The following PHACTR3 variants were observed in gnomAD, a reference collection of about 807,000 sequenced individuals.
The protein encoded by PHACTR3 is phosphatase and actin regulator 3, also known as protein phosphatase 1, regulatory subunit 123.
PHACTR3 carries 16 observed loss-of-function variants against 66.8 expected under a neutral mutation model. The observed-to-expected ratio is 0.24, with a 90% CI of 0.16 to 0.36. The LOEUF (loss-of-function observed/expected upper bound fraction) is 0.36. PHACTR3 is among the 10% of genes least tolerant of loss of function. The probability of loss-of-function intolerance (pLI) is 1.00; values close to 1 mark genes in which losing one functional copy is unlikely to be tolerated. For missense variants in PHACTR3, 647 were observed against 719.9 expected (o/e 0.90, Z 1.16); for synonymous variants, 323 against 292.1 (o/e 1.11, Z -1.08).
At chr20:59,841,245 A>T in intron 10 of PHACTR3, 150 bp from the exon 11 acceptor site, 1 of 704,360 alleles carries the variant, frequency 1.4e-6, no homozygotes, top group Non-Finnish European at 2.3e-6. Context: ...AGCCCTTCAC[A>T]TTAGAGATTG....
intron 8 of PHACTR3, among the ~76,000 whole-genome samples, chr20:59,831,505 C>T (rs2042377081): frequency 6.6e-6 from 1 of 152,168 alleles, no homozygotes; most frequent in African/African-American, 2.4e-5. Context: ...CTGTGGCTTC[C>T]CCAGCTCCAG....
At position 59,743,119 on chromosome 20, in the gene PHACTR3, A is replaced by T; in HGVS notation, c.131A>T (p.Gln44Leu). 1 of 1,613,352 alleles carries T rather than the reference A, an allele frequency of 6.2e-7. No individual in the cohort carries two copies. The highest frequency in any genetic ancestry group is 8.5e-7 in the Non-Finnish European group (1 of 1,179,696). The change falls in exon 2 of 13, where the codon CAA (glutamine) becomes CTA (leucine). Residue 44 changes from glutamine to leucine, a missense_variant. Physicochemically the swap from Gln to Leu is moderately radical, Grantham distance 113. Transcript: ENST00000371015. ...TTTCGTCTTCCAGATGAGATGGACCAAACGCCCCCGGCGCGTCCTGAATAT... is the reference window on the plus strand; with the variant it reads ...TTTCGTCTTCCAGATGAGATGGACCTAACGCCCCCGGCGCGTCCTGAATAT... ...DAGENPDEMD[Q>L]TPPARPEYLV...
intron 3 of PHACTR3, among the ~76,000 whole-genome samples, chr20:59,748,860 T>C (rs369171303): frequency 5.7e-4 from 87 of 152,268 alleles, no homozygotes; most frequent in African/African-American, 1.9e-3. Flanking sequence ...GGCCCAAATA[T>C]CAGGAATTAG....
At chr20:59,611,885 CG>C (rs796325105) in intron 1 of PHACTR3, among the ~76,000 whole-genome samples, 20 of 152,230 alleles carry the variant, frequency 1.3e-4, no homozygotes, top group African/African-American at 4.8e-4. Context: ...GTGTATTTTG[CG>C]GGGATTGTTT....
At chr20:59,740,772 G>A (rs987116064) in intron 1 of PHACTR3, among the ~76,000 whole-genome samples, 3 of 152,232 alleles carry the variant, frequency 2.0e-5, no homozygotes, top group East Asian at 1.9e-4. Context: ...GCCAGACCCC[G>A]TGGAAGCTCT....
chr20:59,725,438 G>A (rs966181592), intron 1 of PHACTR3, among the ~76,000 whole-genome samples: 1 of 151,556 alleles, frequency 6.6e-6, no homozygotes, highest in African/African-American at 2.4e-5. Flanking sequence ...CAGGTGGGCT[G>A]TGTGCCTTAT....
intron 1 of PHACTR3, among the ~76,000 whole-genome samples, chr20:59,621,369 G>A (rs6015534): frequency 0.4 from 60,455 of 152,142 alleles, 12,462 homozygotes; most frequent in East Asian, 0.65. Flanking sequence ...CCTATGAGTC[G>A]GACCCCACAC....
At chr20:59,637,379 A>G (rs1471799108) in intron 1 of PHACTR3, among the ~76,000 whole-genome samples, 1 of 152,176 alleles carries the variant, frequency 6.6e-6, no homozygotes, top group African/African-American at 2.4e-5. Flanking sequence ...CAGGTGGCCT[A>G]GTCTGTAAGT....
In PHACTR3 at chr20:59,656,669, C is replaced by CAAAT. The variant is rs2035629614; in HGVS notation, c.118+51537_118+51538insAAAT. 3.9e-5 allele frequency among the ~76,000 whole-genome samples: 6 copies of CAAAT among 151,944 alleles called. 1 individual carries two copies. The South Asian group carries it at 1.2e-3, about 31-fold the overall frequency. ...ATGGATATAGTTAGATTTGCATCTA[C>CAAAT]CATTTTATTTTTCATTTTCTATATC... is the stretch of plus-strand genomic sequence containing the variant. On this transcript the variant is annotated intron_variant, in intron 1 of 12. Coordinates refer to ENST00000371015, the MANE Select transcript of PHACTR3 (RefSeq NM_080672.5).
chr20:59,741,691 T>A (rs370156625), intron 1 of PHACTR3, among the ~76,000 whole-genome samples: 94 of 152,160 alleles, frequency 6.2e-4, no homozygotes, highest in African/African-American at 1.5e-3. Context: ...AAAAACAGCC[T>A]GTGAAGCACA....
At chr20:59,617,055 A>G (rs1055392733) in intron 1 of PHACTR3, among the ~76,000 whole-genome samples, 1 of 151,832 alleles carries the variant, frequency 6.6e-6, no homozygotes, top group Non-Finnish European at 1.5e-5. Flanking sequence ...TTCCTGTAAT[A>G]TTTTTCCAGC....
rs199509813 is a variant in PHACTR3 at position 59,773,419 on chromosome 20, C to A, written c.892C>A (p.His298Asn). Reference protein sequence around the residue: ...LPPSRVIEELHRALATKHRQD... With the variant: ...LPPSRVIEELNRALATKHRQD... ...CCCAAGCCGCGTCATTGAGGAGCTG[C>A]ACAGGGCGCTGGCCACGAAGCACCG... The change falls in exon 6 of 13, where the codon CAC (histidine) becomes AAC (asparagine). Residue 298 changes from histidine to asparagine, a missense_variant. By Grantham distance (68) the His-to-Asn change is moderately conservative. Coordinates refer to ENST00000371015, the MANE Select transcript of PHACTR3 (RefSeq NM_080672.5). 547 of 1,613,748 alleles carry A rather than the reference C, an allele frequency of 3.4e-4. 2 individuals are homozygous for A. Among genetic ancestry groups the A allele is most frequent in the Non-Finnish European group, 1.9e-5 (23 of 1,179,876 alleles).
At chr20:59,833,831 A>G (rs748669076) in intron 8 of PHACTR3, among the ~76,000 whole-genome samples, 5 of 152,194 alleles carry the variant, frequency 3.3e-5, no homozygotes, top group Non-Finnish European at 1.5e-5. Flanking sequence ...CAAGGGTGCA[A>G]TGGGCAGCAC....
intron 7 of PHACTR3, among the ~76,000 whole-genome samples, chr20:59,779,568 C>T (rs562538985): frequency 4.8e-4 from 73 of 152,356 alleles, no homozygotes; most frequent in Middle Eastern, 6.8e-3. Flanking sequence ...AATTATTAAT[C>T]GCAACAACTA....
chr20:59,715,927 CAGCAGTTA>C (rs1259827343), intron 1 of PHACTR3, among the ~76,000 whole-genome samples: 1 of 152,188 alleles, frequency 6.6e-6, no homozygotes, highest in Non-Finnish European at 1.5e-5. Flanking sequence ...CCAGACACTG[CAGCAGTTA>C]AGGATACAGC....
At chr20:59,616,979 T>G (rs1242505632) in intron 1 of PHACTR3, among the ~76,000 whole-genome samples, 2 of 152,188 alleles carry the variant, frequency 1.3e-5, no homozygotes, top group East Asian at 3.8e-4. Flanking sequence ...GTTGGGAGTC[T>G]AATACAGCCT....
chr20:59,788,753 G>T (rs1351328813), intron 7 of PHACTR3, among the ~76,000 whole-genome samples: 2 of 152,108 alleles, frequency 1.3e-5, no homozygotes, highest in African/African-American at 4.8e-5. Context: ...AGCTAACCTT[G>T]TCCTCTTTCC....
rs6128708 is a variant in PHACTR3 at position 59,835,294 on chromosome 20, G to A, written c.1329-1211G>A. ...GGAATTGTCAGGGGGGGAGGTTCAA[G>A]TCTCACTGAACATCGAGATATGATG... On this transcript the variant is annotated intron_variant, in intron 8 of 12. Transcript: ENST00000371015. Among the ~76,000 whole-genome samples the A allele has an allele frequency of 2.7e-3, 411 of 151,906 alleles. 13 individuals carry two copies. The East Asian group carries it at 0.068, about 25-fold the overall frequency.
intron 9 of PHACTR3, among the ~76,000 whole-genome samples, chr20:59,838,554 A>G (rs999735155): frequency 6.6e-6 from 1 of 152,186 alleles, no homozygotes; most frequent in Non-Finnish European, 1.5e-5. Context: ...TACTTGGTAT[A>G]TATTCCCTCA....
Sources: gnomAD v4.1 joint callset for allele counts (sites outside exome capture counted in the v4.1 genomes callset) on GRCh38, gnomAD v4.1.1 for gene constraint, MANE v1.5 for transcripts, NCBI Gene and HGNC (gene_info 2026-07-23, HGNC 2026-07-21) for gene names.